PRDM16: variants seen among roughly 807,000 people sequenced by gnomAD.
PRDM16 encodes the protein PR/SET domain 16.
In PRDM16, 23 loss-of-function variants were observed where a neutral mutation model predicts 110.6. The observed-to-expected ratio is 0.21, with a 90% CI of 0.15 to 0.29. PRDM16 has a LOEUF of 0.29. Ranked by LOEUF, PRDM16 falls within the 10% of genes least tolerant of loss-of-function variation. The pLI is 1.00. For synonymous variants in PRDM16, 799 were observed against 781.8 expected, an observed-to-expected ratio of 1.02 and a Z score of -0.37; for missense variants, 1,615 against 1,794.3, an observed-to-expected ratio of 0.90 and a Z score of 1.81.
intron 1 of PRDM16, among the ~76,000 whole-genome samples, chr1:3,107,172 T>C (rs1213750184): frequency 6.6e-6 from 1 of 152,200 alleles, no homozygotes; most frequent in Non-Finnish European, 1.5e-5. Flanking sequence ...GGCTGCCATT[T>C]CCCAGGGTCA....
At chr1:3,116,191 G>A (rs931521126) in intron 1 of PRDM16, among the ~76,000 whole-genome samples, 1 of 152,182 alleles carries the variant, frequency 6.6e-6, no homozygotes, top group African/African-American at 2.4e-5. Context: ...CCTTACCGGG[G>A]AGAACAGGTG....
chr1:3,202,061 A>C (rs1283546609), intron 2 of PRDM16, among the ~76,000 whole-genome samples: 1 of 151,978 alleles, frequency 6.6e-6, no homozygotes, highest in Non-Finnish European at 1.5e-5. Flanking sequence ...AGGGCTTTCC[A>C]CCTGCCTCAG....
chr1:3,375,752 C>T (rs1299835149), intron 3 of PRDM16, among the ~76,000 whole-genome samples: 3 of 152,218 alleles, frequency 2.0e-5, no homozygotes, highest in Non-Finnish European at 4.4e-5. Context: ...TTGGGCACTG[C>T]GCACGGTCAG....
intron 1 of PRDM16, among the ~76,000 whole-genome samples, chr1:3,142,956 T>C (rs1202206552): frequency 2.0e-5 from 3 of 152,228 alleles, no homozygotes; most frequent in Non-Finnish European, 4.4e-5. Flanking sequence ...CCAGGTGCGA[T>C]GCTGATCTCT....
chr1:3,210,354 C>T (rs896892678), intron 2 of PRDM16, among the ~76,000 whole-genome samples: 4 of 152,326 alleles, frequency 2.6e-5, no homozygotes, highest in South Asian at 2.1e-4. Flanking sequence ...CATGGGGAAA[C>T]CAAGGCCCTG....
chr1:3,386,467 A>G (rs1039761354), intron 4 of PRDM16, among the ~76,000 whole-genome samples: 1 of 152,226 alleles, frequency 6.6e-6, no homozygotes, highest in Admixed American at 6.5e-5. Context: ...TGTGGAGCAG[A>G]ATCTCCATCG....
rs1317645577 is a variant in PRDM16, at chr1:3,296,905, A to G, written c.438+52768A>G. On this transcript the variant is annotated intron_variant, in intron 3 of 16. Transcript: ENST00000270722. ...CCAAACCCACCGAGCAGCACGGCTT[A>G]GCCTCACCCACCTTAACGCGCTCAG... Among the ~76,000 whole-genome samples, 4 of 152,358 alleles carry G rather than the reference A, an allele frequency of 2.6e-5. No homozygotes were observed. In the East Asian group the frequency reaches 5.8e-4, roughly 22 times the overall value.
chr1:3,385,519 G>A (rs563324306), intron 4 of PRDM16, among the ~76,000 whole-genome samples: 21 of 152,186 alleles, frequency 1.4e-4, no homozygotes, highest in Non-Finnish European at 2.6e-4. Context: ...CCCTGCCTGA[G>A]GCTGGCAGTT....
chr1:3,235,121 C>G (rs992718540), intron 2 of PRDM16, among the ~76,000 whole-genome samples: 1 of 152,230 alleles, frequency 6.6e-6, no homozygotes, highest in Non-Finnish European at 1.5e-5. Context: ...AGCCCCCTAC[C>G]GAGCCCTGCC....
chr1:3,258,163 A>G (rs1367187760), intron 3 of PRDM16, among the ~76,000 whole-genome samples: 1 of 152,126 alleles, frequency 6.6e-6, no homozygotes, highest in Non-Finnish European at 1.5e-5. Context: ...GCAAGTATCT[A>G]CCGTCCTGCT....
intron 1 of PRDM16, among the ~76,000 whole-genome samples, chr1:3,078,842 A>G (rs1641955443): frequency 6.6e-6 from 1 of 152,256 alleles, no homozygotes; most frequent in Non-Finnish European, 1.5e-5. Flanking sequence ...TTTCCATAAT[A>G]GACTTCACCA....
At chr1:3,357,944 AGCACT>A (rs1363425837) in intron 3 of PRDM16, among the ~76,000 whole-genome samples, 1 of 152,214 alleles carries the variant, frequency 6.6e-6, no homozygotes, top group East Asian at 1.9e-4. Flanking sequence ...ATACAGCGAA[AGCACT>A]GACCCACACT....
intron 3 of PRDM16, among the ~76,000 whole-genome samples, chr1:3,383,840 T>TAA (rs1557644722): frequency 2.4e-5 from 2 of 82,324 alleles, no homozygotes; most frequent in Admixed American, 1.8e-4. Context: ...AAGACACACC[T>TAA]GCCTAAGGAC....
At chr1:3,385,569 T>C (rs942114373) in intron 4 of PRDM16, among the ~76,000 whole-genome samples, 3 of 152,068 alleles carry the variant, frequency 2.0e-5, no homozygotes, top group Non-Finnish European at 4.4e-5. Flanking sequence ...AAAAGAGCAA[T>C]GAAGCAGGCA....
intron 3 of PRDM16, among the ~76,000 whole-genome samples, chr1:3,363,586 C>A (rs1642754178): frequency 6.6e-6 from 1 of 152,142 alleles, no homozygotes. Flanking sequence ...TTGTGAGAAT[C>A]TTATCCTGCC....
In PRDM16 at chr1:3,160,386, G is replaced by T. The variant is rs1019239493; in HGVS notation, c.38-25739G>T. ...AGTCTCAGTCCCTGGCTGGGGGAGG[G>T]GGCTTTGGCCTGAGCTGCCACATCA... On this transcript the variant is annotated intron_variant, in intron 1 of 16. Coordinates refer to ENST00000270722, the MANE Select transcript of PRDM16 (RefSeq NM_022114.4). 2.3e-4 allele frequency among the ~76,000 whole-genome samples: 35 copies of T among 152,176 alleles called. 1 individual carries two copies. Among genetic ancestry groups the T allele is most frequent in the African/African-American group, 8.4e-4 (35 of 41,438 alleles).
intron 3 of PRDM16, among the ~76,000 whole-genome samples, chr1:3,374,759 G>C (rs779551126): frequency 6.6e-5 from 10 of 152,178 alleles, no homozygotes. Flanking sequence ...TCGTCCCTTC[G>C]GGGGTCCTGA....
Position 3,283,245 on chromosome 1 carries a change from T to TC in PRDM16, c.438+39111dup, listed in dbSNP as rs560548094. Among the ~76,000 whole-genome samples the TC allele has an allele frequency of 1.6e-3, 248 of 152,242 alleles. 2 individuals are homozygous for TC. Among genetic ancestry groups the TC allele is most frequent in the African/African-American group, 5.8e-3 (241 of 41,542 alleles). On this transcript the variant is annotated intron_variant, in intron 3 of 16. Transcript: ENST00000270722. ...CAGCTGCCCATTAGAGGCGGGGCTG[T>TC]CCCTGCAATGGAGGTGCCAGGGAAT...
In PRDM16 at chr1:3,201,052, G is replaced by C. The variant is rs1045050091; in HGVS notation, c.387+14578G>C. ...AGTCCAGGGTCAACCCTTAGCCGGAGTGGGGACTCCGGGGAAGGCCAGCTG... is the reference window on the plus strand; with the variant it reads ...AGTCCAGGGTCAACCCTTAGCCGGACTGGGGACTCCGGGGAAGGCCAGCTG... On this transcript the variant is annotated intron_variant, in intron 2 of 16. Transcript: ENST00000270722. The surrounding 1 kb of genome is among the most constrained non-coding windows in gnomAD (Gnocchi z 4.1). Among the ~76,000 whole-genome samples, 1 of 152,170 alleles carries C rather than the reference G, an allele frequency of 6.6e-6. No homozygotes were observed. The highest frequency in any genetic ancestry group is 1.9e-4 in the East Asian group (1 of 5,174).
Sources: allele counts gnomAD v4.1 joint callset (sites outside exome capture counted in the v4.1 genomes callset), GRCh38; gene constraint gnomAD v4.1.1; non-coding constraint Gnocchi (gnomAD v3.1); transcripts MANE v1.5; gene names NCBI Gene and HGNC (gene_info 2026-07-23, HGNC 2026-07-21).